The following CLGN variants were observed in gnomAD, a reference collection of about 807,000 sequenced individuals.
The protein encoded by CLGN is calmegin.
In CLGN, 62 loss-of-function variants were observed where a neutral mutation model predicts 79.1. The ratio of observed to expected loss-of-function variants is 0.78; its 90% CI spans 0.64 to 0.97. The LOEUF is 0.97. Ranked by LOEUF, CLGN falls within the 50% of genes least tolerant of loss-of-function variation. The pLI, the probability that CLGN is intolerant of heterozygous loss-of-function variation, is 0.00. For missense variants in CLGN, 647 were observed against 715.5 expected (o/e 0.90, Z 1.09); for synonymous variants, 225 against 224.7 (o/e 1.00, Z -0.01).
chr4:140,404,818 C>A (rs1341892882), intron 5 of CLGN, among the ~76,000 whole-genome samples: 4 of 151,980 alleles, frequency 2.6e-5, no homozygotes, highest in African/African-American at 9.7e-5. Flanking sequence ...CCATGCCTGG[C>A]TAATTTTTAA....
Position 140,404,492 on chromosome 4 carries a change from T to C in CLGN, c.419+1450A>G, listed in dbSNP as rs1410293379. On this transcript the variant is annotated intron_variant, in intron 5 of 14. Transcript: ENST00000325617. The stretch of plus-strand genomic sequence containing the variant: ...TGGGAAAAGCAGCTTTATAGTAAAG[T>C]TATGTTGTAAATCAGCATTTATAGC... 2.0e-5 allele frequency among the ~76,000 whole-genome samples: 3 copies of C among 152,226 alleles called. No individual in the cohort carries two copies. The East Asian group carries it at 5.8e-4, about 29-fold the overall frequency.
At chr4:140,399,893 T>C (rs149241305) in intron 7 of CLGN, among the ~76,000 whole-genome samples, 3 of 152,314 alleles carry the variant, frequency 2.0e-5, no homozygotes, top group Non-Finnish European at 4.4e-5. Flanking sequence ...GACATAACAA[T>C]AATCACAACT....
Position 140,412,950 on chromosome 4 carries a change from A to T in CLGN, c.129T>A (p.Ser43Arg), listed in dbSNP as rs779997811. 1.2e-6 allele frequency: 2 copies of T among 1,613,342 alleles called. No individual in the cohort carries two copies. The highest frequency in any genetic ancestry group is 1.7e-6 in the Non-Finnish European group (2 of 1,179,574). The change falls in exon 2 of 15, where the codon AGT (serine) becomes AGA (arginine). Residue 43 changes from serine (S) to arginine (R), a missense_variant. By Grantham distance (110) the Ser-to-Arg change is moderately radical. Coordinates refer to ENST00000325617, the MANE Select transcript of CLGN (RefSeq NM_004362.3). Reference sequence around the variant, plus strand: ...ATAACCATACCTCTGAGGAAAGTTCACTTTCATTAACATCAATTTCTTCTG... The same window carrying T: ...ATAACCATACCTCTGAGGAAAGTTCTCTTTCATTAACATCAATTTCTTCTG... The part of the protein sequence containing the change: ...ENSEEIDVNE[S>R]ELSSEIKYKT...
intron 7 of CLGN, 40 bp downstream of exon 7, chr4:140,400,317 C>A (rs188642963): frequency 1.4e-6 from 2 of 1,432,384 alleles, no homozygotes; most frequent in East Asian, 2.3e-5. Flanking sequence ...CAATAGTCAG[C>A]AAATATTTTT....
chr4:140,404,219 G>C (rs914206133), intron 5 of CLGN, among the ~76,000 whole-genome samples: 3 of 151,394 alleles, frequency 2.0e-5, no homozygotes, highest in Non-Finnish European at 4.4e-5. Context: ...TCAGCCTCCC[G>C]AGTAGCTGGG....
At chr4:140,417,457 G>T (rs1407444998) in intron 1 of CLGN, among the ~76,000 whole-genome samples, 3 of 135,592 alleles carry the variant, frequency 2.2e-5, no homozygotes, top group Non-Finnish European at 4.7e-5. Context: ...AAACCCCATT[G>T]TCTCAGCCCA....
At chr4:140,424,691 C>G (rs1191944736) in intron 1 of CLGN, among the ~76,000 whole-genome samples, 1 of 152,150 alleles carries the variant, frequency 6.6e-6, no homozygotes, top group East Asian at 1.9e-4. Context: ...GGGTTCCAAG[C>G]TTCTTATGTA....
chr4:140,408,022 C>G (rs1346312877), intron 4 of CLGN, among the ~76,000 whole-genome samples: 1 of 151,930 alleles, frequency 6.6e-6, no homozygotes, highest in African/African-American at 2.4e-5. Context: ...AGAAATAAAG[C>G]AAAATACTTA....
chr4:140,400,146 T>C (rs1333407781), intron 7 of CLGN, among the ~76,000 whole-genome samples: 2 of 152,214 alleles, frequency 1.3e-5, no homozygotes, highest in Non-Finnish European at 2.9e-5. Context: ...GGAAGTAATA[T>C]TGCTTGTGAA....
intron 1 of CLGN, chr4:140,426,582 T>A (rs1024688234): frequency 2.6e-5 from 4 of 152,284 alleles, no homozygotes; most frequent in Non-Finnish European, 5.9e-5. Context: ...TGTCGACATT[T>A]GTAAAACAAG....
intron 8 of CLGN, among the ~76,000 whole-genome samples, chr4:140,396,944 T>C (rs1197827338): frequency 2.8e-5 from 4 of 143,312 alleles, no homozygotes; most frequent in East Asian, 2.0e-4. Flanking sequence ...TATATACACA[T>C]AGCTTCATTC....
At chr4:140,425,429 G>GGT (rs754897067) in intron 1 of CLGN, among the ~76,000 whole-genome samples, 14,782 of 116,526 alleles carry the variant, frequency 0.13, 706 homozygotes, top group South Asian at 0.19. Context: ...GAATCAATAG[G>GGT]GTGTGTGTGT....
chr4:140,407,688 CACAA>C (rs1729134550), intron 4 of CLGN, among the ~76,000 whole-genome samples: 1 of 150,640 alleles, frequency 6.6e-6, no homozygotes, highest in Admixed American at 6.6e-5. Context: ...TCATAGATGA[CACAA>C]ACAAATGGAA....
chr4:140,393,991 A>T lies in CLGN; in HGVS notation c.1200T>A (p.Asp400Glu), dbSNP rs1728823641. 1.2e-6 allele frequency: 2 copies of T among 1,613,750 alleles called. No individual in the cohort carries two copies. Among genetic ancestry groups the T allele is most frequent in the Non-Finnish European group, 1.7e-6 (2 of 1,179,762 alleles). Residue 400 changes from aspartate (D) to glutamate (E), a missense_variant, in exon 11 of 15, where the codon GAT becomes GAA. Physicochemically the swap from Asp to Glu is conservative, Grantham distance 45. Coordinates refer to ENST00000325617, the MANE Select transcript of CLGN (RefSeq NM_004362.3). ...KIPNPDYFED[D>E]HPFLLTSFSA... Reference sequence around the variant, plus strand: ...TGAAAGAAGTCAGAAGAAATGGATGATCATCTTCGAAATAATCTGGATTAG... The same window carrying T: ...TGAAAGAAGTCAGAAGAAATGGATGTTCATCTTCGAAATAATCTGGATTAG...
At chr4:140,394,860 T>C (rs1025895188) in intron 10 of CLGN, among the ~76,000 whole-genome samples, 6 of 152,090 alleles carry the variant, frequency 3.9e-5, no homozygotes, top group Non-Finnish European at 5.9e-5. Context: ...AAAAGCTAGG[T>C]ACACTCAAAA....
Position 140,412,987 on chromosome 4 carries a change from A to G in CLGN, c.92T>C (p.Phe31Ser), listed in dbSNP as rs755430080. The G allele has an allele frequency of 1.2e-6, 2 of 1,613,510 alleles. No homozygotes were observed. The highest frequency in any genetic ancestry group is 1.7e-5 in the Admixed American group (1 of 59,976). The change falls in exon 2 of 15, where the codon TTT becomes TCT. Residue 31 changes from phenylalanine to serine, a missense_variant. Transcript: ENST00000325617. ...FMDDDVETEDFEENSEEIDVN... is the reference protein window; with the variant it reads ...FMDDDVETEDSEENSEEIDVN... ...ATCAATTTCTTCTGAATTTTCTTCA[A>G]AGTCTTCCGTCTCAACATCATCATC...
At position 140,389,168 on chromosome 4, in the gene CLGN, C is replaced by A. The variant is rs1258463104; in HGVS notation, c.*56G>T. The A allele has an allele frequency of 2.1e-6, 3 of 1,401,904 alleles. No homozygotes were observed. Among genetic ancestry groups the A allele is most frequent in the Non-Finnish European group, 3.0e-6 (3 of 989,496 alleles). 86.8% of individuals were successfully genotyped at this position (1,401,904 alleles called of 1,614,324 possible). Reference sequence around the variant, plus strand: ...CTGATTAAAGTTCAGGTCTGGCATGCTGATTTTTACAATGCCAAACATCCC... The same window carrying A: ...CTGATTAAAGTTCAGGTCTGGCATGATGATTTTTACAATGCCAAACATCCC... On this transcript the variant is annotated 3_prime_UTR_variant, in exon 15 of 15. Transcript: ENST00000325617.
At chr4:140,405,629 T>A (rs13111346) in intron 5 of CLGN, among the ~76,000 whole-genome samples, 87,158 of 151,996 alleles carry the variant, frequency 0.57, 26,847 homozygotes, top group Non-Finnish European at 0.71. Context: ...ATTCCTCATT[T>A]AGTCAATACA....
intron 13 of CLGN, among the ~76,000 whole-genome samples, chr4:140,391,315 G>C (rs1046711881): frequency 3.3e-5 from 5 of 151,790 alleles, no homozygotes; most frequent in Admixed American, 2.0e-4. Flanking sequence ...ATAGATGAAA[G>C]TGGTGAAAGT....
Sources: gnomAD v4.1 joint callset for allele counts (sites outside exome capture counted in the v4.1 genomes callset) on GRCh38, gnomAD v4.1.1 for gene constraint, MANE v1.5 for transcripts, NCBI Gene and HGNC (gene_info 2026-07-23, HGNC 2026-07-21) for gene names.